ICAM2: variants seen among roughly 807,000 people sequenced by gnomAD.
ICAM2 encodes the protein intercellular adhesion molecule 2.
In ICAM2, 14 loss-of-function variants were observed where a neutral mutation model predicts 19.1. The observed-to-expected ratio is 0.73, with a 90% CI of 0.48 to 1.15. The LOEUF (loss-of-function observed/expected upper bound fraction) is 1.15. ICAM2 is among the 50% of genes most tolerant of loss of function. The pLI is 0.00. For missense variants in ICAM2, 311 were observed against 355.4 expected (o/e 0.88, Z 1.00); for synonymous variants, 153 against 152.7 (o/e 1.00, Z -0.01).
chr17:64,015,494 C>T (rs1422958111), intron 1 of ICAM2, among the ~76,000 whole-genome samples: 3 of 152,164 alleles, frequency 2.0e-5, no homozygotes, highest in Non-Finnish European at 4.4e-5. Context: ...AATCCCAGCA[C>T]TTTGGAAGGC....
At chr17:64,007,434 G>A (rs893102491) in intron 1 of ICAM2, among the ~76,000 whole-genome samples, 10 of 151,972 alleles carry the variant, frequency 6.6e-5, no homozygotes, top group African/African-American at 2.4e-4. Context: ...AGCTAATTTT[G>A]TATTTTTAAT....
intron 3 of ICAM2, 31 bp from the exon 4 acceptor site, chr17:64,003,995 A>G (rs1457387837): frequency 1.3e-6 from 2 of 1,530,100 alleles, no homozygotes; most frequent in East Asian, 4.7e-5. Flanking sequence ...AGGTCTGGTC[A>G]GGATGGGGGT....
intron 1 of ICAM2, among the ~76,000 whole-genome samples, chr17:64,013,221 A>C (rs1231868187): frequency 6.6e-6 from 1 of 152,222 alleles, no homozygotes; most frequent in Non-Finnish European, 1.5e-5. Flanking sequence ...CTGAGGCATG[A>C]GAATTGCCTG....
At chr17:64,011,037 A>T (rs4968605) in intron 1 of ICAM2, among the ~76,000 whole-genome samples, 88,583 of 152,048 alleles carry the variant, frequency 0.58, 26,564 homozygotes, top group South Asian at 0.74. Context: ...ACACAATTTT[A>T]AAATGGGCAC....
At chr17:64,006,948 C>T (rs1911242145) in intron 1 of ICAM2, 1 of 543,434 alleles carries the variant, frequency 1.8e-6, no homozygotes, top group South Asian at 2.2e-5. Context: ...CCTGCTGACT[C>T]CCTGTGCAAG....
chr17:64,011,198 T>G lies in ICAM2; in HGVS notation c.-44-4463A>C, dbSNP rs112413724. On this transcript the variant is annotated intron_variant, in intron 1 of 4. Transcript: ENST00000579788. ...TACAAATGGGCCAGGCGTGGTGGCT[T>G]ACACCCATAATCCCAGCACTTTGGA... 4.2e-3 allele frequency among the ~76,000 whole-genome samples: 646 copies of G among 152,260 alleles called. 5 individuals are homozygous for G. The highest frequency in any genetic ancestry group is 0.015 in the African/African-American group (606 of 41,558).
At chr17:64,006,215 A>G (rs1911199888) in intron 2 of ICAM2, 1 of 162,806 alleles carries the variant, frequency 6.1e-6, no homozygotes, top group Admixed American at 6.2e-5. Context: ...ATAAAAATAA[A>G]AAATTTAAAA....
intron 1 of ICAM2, among the ~76,000 whole-genome samples, chr17:64,010,408 G>T (rs142120842): frequency 4.6e-5 from 7 of 152,100 alleles, no homozygotes; most frequent in Non-Finnish European, 1.0e-4. Flanking sequence ...TCTGGAAAAC[G>T]TGAGAGAATT....
rs1320507854 is a variant in ICAM2 at position 64,005,108 on chromosome 17, G to T, written c.327C>A (p.Tyr109Ter). ...GGGCCCCGCAGCACAGCCACTCACGGTACACGCTGACGTTGGAATTCATTG... is the reference window on the plus strand; with the variant it reads ...GGGCCCCGCAGCACAGCCACTCACGTTACACGCTGACGTTGGAATTCATTG... Reference protein sequence around the residue: ...QESMNSNVSVYQPPRQVILTL... With the variant: ...QESMNSNVSV The change falls in exon 3 of 5, where the codon TAC becomes TAA. Residue 109 changes from tyrosine to a stop codon, truncating the protein, a stop_gained and splice_region_variant. Coordinates refer to ENST00000579788, the MANE Select transcript of ICAM2 (RefSeq NM_001099789.2). LOFTEE classifies it high-confidence loss of function. 1.9e-6 allele frequency: 3 copies of T among 1,614,080 alleles called. No homozygotes were observed. Among genetic ancestry groups the T allele is most frequent in the African/African-American group, 1.3e-5 (1 of 75,016 alleles).
Position 64,003,603 on chromosome 17 carries a change from T to C in ICAM2, c.649+41A>G, listed in dbSNP as rs146783535. 9.2e-4 allele frequency: 1,440 copies of C among 1,569,168 alleles called. 12 individuals are homozygous for C. In the African/African-American group the frequency reaches 0.017, roughly 18 times the overall value. On this transcript the variant is annotated intron_variant, in intron 4 of 4. Coordinates refer to ENST00000579788, the MANE Select transcript of ICAM2 (RefSeq NM_001099789.2). ...TTTTCTTCCCCCGAGGGGCTGAAAG[T>C]GACTTATCACTCCCAACTCCATCCA... is the stretch of plus-strand genomic sequence containing the variant.
At position 64,008,888 on chromosome 17, in the gene ICAM2, C is replaced by A. The variant is rs1351922775; in HGVS notation, c.-44-2153G>T. On this transcript the variant is annotated intron_variant, in intron 1 of 4. Coordinates refer to ENST00000579788, the MANE Select transcript of ICAM2 (RefSeq NM_001099789.2). Reference sequence around the variant, plus strand: ...ATACACAGCAGGGCCAGCCTGATTCCCTCTTCAAGCAAGGCTTCTGCAGCC... The same window carrying A: ...ATACACAGCAGGGCCAGCCTGATTCACTCTTCAAGCAAGGCTTCTGCAGCC... 1.3e-5 allele frequency among the ~76,000 whole-genome samples: 2 copies of A among 152,180 alleles called. 1 individual carries two copies. The highest frequency in any genetic ancestry group is 3.8e-4 in the East Asian group (2 of 5,196).
chr17:64,014,507 G>A (rs1203614676), intron 1 of ICAM2, among the ~76,000 whole-genome samples: 2 of 142,442 alleles, frequency 1.4e-5, no homozygotes, highest in African/African-American at 5.3e-5. Flanking sequence ...AAGGAAGGAA[G>A]GGAGAGAGAG....
Position 64,003,868 on chromosome 17 carries a change from A to G in ICAM2, c.425T>C (p.Leu142Pro). Residue 142 changes from leucine to proline, a missense_variant, in exon 4 of 5, where the codon CTG (leucine) becomes CCG (proline). Leu to Pro is a moderately conservative substitution (Grantham distance 98). Coordinates refer to ENST00000579788, the MANE Select transcript of ICAM2 (RefSeq NM_001099789.2). ...IECRVPTVEP[L>P]DSLTLFLFRG... ...GAACAGGAAGAGGGTGAGGCTGTCC[A>G]GGGGCTCCACGGTGGGCACCCTGCA... is the stretch of plus-strand genomic sequence containing the variant. The G allele has an allele frequency of 3.1e-6, 5 of 1,614,248 alleles. No individual in the cohort carries two copies. The highest frequency in any genetic ancestry group is 4.2e-6 in the Non-Finnish European group (5 of 1,180,034).
In ICAM2 at chr17:64,002,895, A is replaced by C. The variant is rs767395004; in HGVS notation, c.680T>G (p.Ile227Arg). ...EPVSDSQMVI[I>R]VTVVSVLLSL... ...CAGCAACACCGACACCACCGTGACT[A>C]TGATGACCATCTGGCTGTCCGACAC... The change falls in exon 5 of 5, where the codon ATA becomes AGA. Residue 227 changes from isoleucine (I) to arginine (R), a missense_variant. Physicochemically the swap from Ile to Arg is moderately conservative, Grantham distance 97. Transcript: ENST00000579788. 6.2e-7 allele frequency: 1 copy of C among 1,613,828 alleles called. No individual in the cohort carries two copies. The highest frequency in any genetic ancestry group is 1.1e-5 in the South Asian group (1 of 91,052).
chr17:64,016,419 C>T (rs1480607375), intron 1 of ICAM2, among the ~76,000 whole-genome samples: 1 of 152,182 alleles, frequency 6.6e-6, no homozygotes, highest in Non-Finnish European at 1.5e-5. Context: ...GCCCCTCCAC[C>T]TACCCCCAAA....
intron 1 of ICAM2, among the ~76,000 whole-genome samples, chr17:64,017,763 A>G (rs1296457555): frequency 2.6e-5 from 4 of 152,252 alleles, no homozygotes; most frequent in African/African-American, 7.2e-5. Context: ...AAATACACCT[A>G]TGCTTGTTTG....
At position 64,002,719 on chromosome 17, in the gene ICAM2, G is replaced by A. The variant is rs763179400; in HGVS notation, c.*28C>T. On this transcript the variant is annotated 3_prime_UTR_variant, in exon 5 of 5. Coordinates refer to ENST00000579788, the MANE Select transcript of ICAM2 (RefSeq NM_001099789.2). ...GTCACACTGAGTTCCAGTGACCACC[G>A]TGGTGGTGGCCATGCCACTCATGGT... 50 of 1,597,334 alleles carry A rather than the reference G, an allele frequency of 3.1e-5. No individual in the cohort carries two copies. Among genetic ancestry groups the A allele is most frequent in the Middle Eastern group, 2.2e-4 (1 of 4,502 alleles).
At chr17:64,018,567 G>C (rs1333532452) in intron 1 of ICAM2, among the ~76,000 whole-genome samples, 1 of 151,918 alleles carries the variant, frequency 6.6e-6, no homozygotes, top group Non-Finnish European at 1.5e-5. Context: ...GCTGATGAGA[G>C]TGTATATTGG....
chr17:64,004,043 CTGTCACCATGG>C, intron 3 of ICAM2, 79 bp from the exon 4 acceptor site: 1 of 1,114,156 alleles, frequency 9.0e-7, no homozygotes, highest in Non-Finnish European at 1.3e-6. Flanking sequence ...GGGCCATCTC[CTGTCACCATGG>C]TGTTCCACGG....
Sources: gnomAD v4.1 joint callset for allele counts (sites outside exome capture counted in the v4.1 genomes callset) on GRCh38, gnomAD v4.1.1 for gene constraint, MANE v1.5 for transcripts, NCBI Gene and HGNC (gene_info 2026-07-23, HGNC 2026-07-21) for gene names.